The following ITIH5 variants were observed in gnomAD, a reference collection of about 807,000 sequenced individuals.
The protein encoded by ITIH5 is inter-alpha-trypsin inhibitor heavy chain H5.
Under a neutral mutation model 77.5 loss-of-function variants are expected in ITIH5, and 65 were observed. The ratio of observed to expected loss-of-function variants is 0.84; its 90% confidence interval spans 0.69 to 1.03. The LOEUF (loss-of-function observed/expected upper bound fraction) is 1.03, where lower values mean the gene tolerates loss of function less well. Among genes scored for constraint, ITIH5 ranks in the 50% least tolerant of loss-of-function variants. The probability of loss-of-function intolerance (pLI) is 0.00; values close to 1 mark genes in which losing one functional copy is unlikely to be tolerated. For missense variants in ITIH5, 1,208 were observed against 1,213.1 expected, an observed-to-expected ratio of 1.00 and a Z score of 0.06; for synonymous variants, 525 against 494.3, an observed-to-expected ratio of 1.06 and a Z score of -0.82.
intron 2 of ITIH5, among the ~76,000 whole-genome samples, chr10:7,646,456 A>G (rs979900942): frequency 6.6e-6 from 1 of 152,118 alleles, no homozygotes; most frequent in African/African-American, 2.4e-5. Flanking sequence ...GCTTAATCTC[A>G]CCTAGTGATA....
At chr10:7,569,927 GAT>G in intron 11 of ITIH5, 143 bp from the exon 12 acceptor site, 1 of 542,712 alleles carries the variant, frequency 1.8e-6, no homozygotes, top group South Asian at 2.9e-5. Flanking sequence ...TCAATTTCCA[GAT>G]GAGGAAGATG....
chr10:7,611,796 TA>T (rs1833249897), intron 7 of ITIH5, among the ~76,000 whole-genome samples: 1 of 152,104 alleles, frequency 6.6e-6, no homozygotes, highest in South Asian at 2.1e-4. Context: ...AATTTTTATG[TA>T]GCTAAAGTTA....
chr10:7,644,281 A>G (rs1477482528), intron 2 of ITIH5, among the ~76,000 whole-genome samples: 1 of 149,318 alleles, frequency 6.7e-6, no homozygotes, highest in Non-Finnish European at 1.5e-5. Context: ...GTGCGTGTGT[A>G]TATATATCAT....
chr10:7,572,316 T>C (rs530002983), intron 11 of ITIH5: 1 of 1,367,400 alleles, frequency 7.3e-7, no homozygotes, highest in African/African-American at 1.5e-5. Context: ...TTCCTCTGAA[T>C]TTTTATTATA....
intron 5 of ITIH5, among the ~76,000 whole-genome samples, chr10:7,624,874 T>TGTATATAC (rs1833548076): frequency 6.1e-5 from 2 of 32,750 alleles, no homozygotes; most frequent in Non-Finnish European, 1.2e-4. Context: ...TGTATATATG[T>TGTATATAC]ATGTATATAT....
chr10:7,637,183 G>A, intron 5 of ITIH5, 45 bp downstream of exon 5: 1 of 1,574,594 alleles, frequency 6.4e-7, no homozygotes. Context: ...GACCAGCTGG[G>A]TGTTTTCACC....
At chr10:7,570,052 T>TAGACAACTA (rs1316619726) in intron 11 of ITIH5, 2 of 282,392 alleles carry the variant, frequency 7.1e-6, no homozygotes, top group Non-Finnish European at 1.3e-5. Context: ...CAGCTCAGTC[T>TAGACAACTA]AGACAACTAA....
At chr10:7,655,265 T>TAA (rs1834161797) in intron 2 of ITIH5, among the ~76,000 whole-genome samples, 2 of 152,194 alleles carry the variant, frequency 1.3e-5, no homozygotes, top group Non-Finnish European at 2.9e-5. Flanking sequence ...CGTGATGCTT[T>TAA]AGTCTACAAA....
intron 1 of ITIH5, among the ~76,000 whole-genome samples, chr10:7,656,962 T>G (rs909783513): frequency 1.1e-4 from 16 of 151,530 alleles, no homozygotes; most frequent in African/African-American, 3.6e-4. Context: ...CAGGCTGGTC[T>G]CGAACTCCTG....
intron 7 of ITIH5, among the ~76,000 whole-genome samples, chr10:7,604,221 A>G (rs11255232): frequency 0.12 from 18,645 of 152,212 alleles, 1,395 homozygotes; most frequent in East Asian, 0.18. Flanking sequence ...TCCAAAGCCA[A>G]ACAGAGTTGG....
At chr10:7,644,288 T>G (rs1014766629) in intron 2 of ITIH5, among the ~76,000 whole-genome samples, 5 of 147,942 alleles carry the variant, frequency 3.4e-5, no homozygotes, top group African/African-American at 1.3e-4. Flanking sequence ...TGTATATATA[T>G]CATATATATC....
At chr10:7,596,428 G>A (rs548297503) in intron 7 of ITIH5, among the ~76,000 whole-genome samples, 6 of 152,216 alleles carry the variant, frequency 3.9e-5, no homozygotes, top group Non-Finnish European at 8.8e-5. Context: ...CACTTCCATC[G>A]GGTACCCACA....
At chr10:7,564,777 TACAC>T (rs1007034955) in intron 13 of ITIH5, among the ~76,000 whole-genome samples, 4 of 151,352 alleles carry the variant, frequency 2.6e-5, no homozygotes, top group Non-Finnish European at 5.9e-5. Flanking sequence ...TGTGTATGTG[TACAC>T]ACACACATAT....
intron 7 of ITIH5, among the ~76,000 whole-genome samples, chr10:7,587,250 GAAGA>G (rs983381699): frequency 3.6e-4 from 55 of 152,214 alleles, no homozygotes; most frequent in Admixed American, 1.3e-4. Context: ...CGAATGGAAA[GAAGA>G]AAGAAGCCAT....
At chr10:7,564,962 T>C (rs2130935267) in intron 13 of ITIH5, among the ~76,000 whole-genome samples, 1 of 142,450 alleles carries the variant, frequency 7.0e-6, no homozygotes, top group African/African-American at 2.9e-5. Flanking sequence ...ACTGTATACA[T>C]ACATATACAT....
At chr10:7,661,935 C>G (rs905693752) in intron 1 of ITIH5, among the ~76,000 whole-genome samples, 7 of 152,160 alleles carry the variant, frequency 4.6e-5, no homozygotes, top group African/African-American at 1.4e-4. Flanking sequence ...CTCCTGGGCT[C>G]AAGCTATCTG....
intron 1 of ITIH5, 49 bp from the exon 2 acceptor site, chr10:7,655,724 G>T (rs770847070): frequency 3.6e-6 from 5 of 1,397,786 alleles, no homozygotes; most frequent in Non-Finnish European, 4.1e-6. Context: ...AAAGAGAAGA[G>T]ACATGAAATA....
chr10:7,641,637 AAAGGAAGG>A (rs202189864), intron 3 of ITIH5, among the ~76,000 whole-genome samples: 13 of 119,900 alleles, frequency 1.1e-4, no homozygotes, highest in Non-Finnish European at 1.5e-4. Context: ...GAAGGAAAGA[AAAGGAAGG>A]AAGGAAGGGA....
At chr10:7,598,208 A>G (rs1231955039) in intron 7 of ITIH5, among the ~76,000 whole-genome samples, 3 of 152,254 alleles carry the variant, frequency 2.0e-5, no homozygotes, top group Admixed American at 2.0e-4. Flanking sequence ...ACCACATTAT[A>G]TAATTCATAT....
Sources: allele counts gnomAD v4.1 joint callset (sites outside exome capture counted in the v4.1 genomes callset), GRCh38; gene constraint gnomAD v4.1.1; transcripts MANE v1.5; gene names NCBI Gene and HGNC (gene_info 2026-07-23, HGNC 2026-07-21).